Variants in VPS13C observed in about 807,000 individuals in gnomAD.
VPS13C encodes the protein intermembrane lipid transfer protein VPS13C.
VPS13C carries 358 observed loss-of-function variants against 456.8 expected under a neutral mutation model. The observed-to-expected ratio is 0.78, with a 90% CI of 0.72 to 0.86. The LOEUF is 0.86. Ranked by LOEUF, VPS13C falls within the 40% of genes least tolerant of loss-of-function variation. The pLI, the probability that VPS13C is intolerant of heterozygous loss-of-function variation, is 0.00. For synonymous variants in VPS13C, 1,578 were observed against 1,486.7 expected, an observed-to-expected ratio of 1.06 and a Z score of -1.41; for missense variants, 4,818 against 4,385.4, an observed-to-expected ratio of 1.10 and a Z score of -2.79.
Position 62,060,274 on chromosome 15 carries a change from C to A in VPS13C, c.100+1G>T. 1 of 1,601,646 alleles carries A rather than the reference C, an allele frequency of 6.2e-7. No individual in the cohort carries two copies. Among genetic ancestry groups the A allele is most frequent in the Non-Finnish European group, 8.5e-7 (1 of 1,174,080 alleles). ...CCCACTGGCCGCGCCCTCTCGCTTACCGCCCCAGATGCCCAGCTTCAGCTG... is the reference window on the plus strand; with the variant it reads ...CCCACTGGCCGCGCCCTCTCGCTTAACGCCCCAGATGCCCAGCTTCAGCTG... On this transcript the variant is annotated splice_donor_variant, in intron 1 of 84. Coordinates refer to ENST00000644861, the MANE Select transcript of VPS13C (RefSeq NM_020821.3). LOFTEE classifies it high-confidence loss of function.
At chr15:61,868,871 T>C (rs1406979736) in intron 80 of VPS13C, 98 bp from the exon 81 acceptor site, 1 of 1,006,700 alleles carries the variant, frequency 9.9e-7, no homozygotes, top group African/African-American at 1.7e-5. Context: ...CAAAAAACAA[T>C]CAGTAATTTT....
chr15:61,966,871 A>G (rs1489979519), intron 29 of VPS13C, among the ~76,000 whole-genome samples: 3 of 152,002 alleles, frequency 2.0e-5, no homozygotes, highest in African/African-American at 7.2e-5. Flanking sequence ...ATCCAAAAAC[A>G]CATCCAGAAG....
At chr15:61,981,077 G>A (rs144560316) in intron 22 of VPS13C, among the ~76,000 whole-genome samples, 16 of 152,218 alleles carry the variant, frequency 1.1e-4, no homozygotes, top group East Asian at 1.9e-4. Flanking sequence ...TGAAAACTAC[G>A]AATGCTTCTT....
chr15:61,878,329 T>A (rs891475475), intron 74 of VPS13C, among the ~76,000 whole-genome samples: 1 of 151,896 alleles, frequency 6.6e-6, no homozygotes. Flanking sequence ...TATGGTTAAT[T>A]TATAATATAT....
intron 16 of VPS13C, among the ~76,000 whole-genome samples, chr15:61,997,732 A>T (rs2046438735): frequency 6.6e-6 from 1 of 152,160 alleles, no homozygotes; most frequent in South Asian, 2.1e-4. Flanking sequence ...TATATCTAGA[A>T]TCTGACCCTT....
intron 81 of VPS13C, chr15:61,865,605 T>C: frequency 1.8e-6 from 1 of 540,850 alleles, no homozygotes. Context: ...TATATATGTA[T>C]GTGTATATAT....
chr15:61,867,277 T>C lies in VPS13C; in HGVS notation c.10863+1382A>G. 1.0e-6 allele frequency: 1 copy of C among 984,504 alleles called. No homozygotes were observed. The highest frequency in any genetic ancestry group is 4.7e-5 in the South Asian group (1 of 21,276). 61.0% of individuals were successfully genotyped at this position (984,504 alleles called of 1,614,324 possible). A position where few individuals can be genotyped will look rare whatever the true frequency, so the allele number is the denominator to read the frequency against. ...AGAAATGCTAAAGGCTGAAAATGTA[T>C]ATAACATAATTATAAAATGGCTATC... On this transcript the variant is annotated intron_variant, in intron 81 of 84. Transcript: ENST00000644861. The surrounding 1 kb of genome is among the most constrained non-coding windows in gnomAD (Gnocchi z 5.0).
chr15:61,954,307 C>T (rs1596377523), intron 38 of VPS13C, 114 bp downstream of exon 38: 1 of 1,146,540 alleles, frequency 8.7e-7, no homozygotes, highest in East Asian at 2.6e-5. Context: ...TACATGTGAA[C>T]AGCCCACATA....
At chr15:62,044,332 A>G (rs1168246445) in intron 1 of VPS13C, 77 bp from the exon 2 acceptor site, 3 of 868,528 alleles carry the variant, frequency 3.5e-6, no homozygotes, top group Non-Finnish European at 5.2e-6. Context: ...AGTACCAAGC[A>G]CTAAGAAACT....
chr15:61,988,209 G>A (rs1205045960), intron 18 of VPS13C, among the ~76,000 whole-genome samples: 1 of 152,182 alleles, frequency 6.6e-6, no homozygotes, highest in Non-Finnish European at 1.5e-5. Flanking sequence ...GAAGAAAAAT[G>A]ACTGGAAAGG....
chr15:61,968,813 A>G (rs2045459808), intron 28 of VPS13C, among the ~76,000 whole-genome samples: 1 of 152,162 alleles, frequency 6.6e-6, no homozygotes, highest in Non-Finnish European at 1.5e-5. Flanking sequence ...TAGAAAGAAC[A>G]AGGCCTTCAA....
intron 8 of VPS13C, among the ~76,000 whole-genome samples, chr15:62,021,623 C>T (rs1428557688): frequency 6.6e-6 from 1 of 151,796 alleles, no homozygotes; most frequent in Non-Finnish European, 1.5e-5. Flanking sequence ...TCTAAATCAT[C>T]CAACTGGGAC....
At chr15:61,884,341 A>G in intron 67 of VPS13C, 72 bp from the exon 68 acceptor site, 1 of 1,460,614 alleles carries the variant, frequency 6.8e-7, no homozygotes, top group South Asian at 1.3e-5. Context: ...TCAACTCCAG[A>G]TTATTGTAAC....
intron 53 of VPS13C, among the ~76,000 whole-genome samples, 166 bp downstream of exon 53, chr15:61,925,290 T>C (rs2043810780): frequency 6.6e-6 from 1 of 152,108 alleles, no homozygotes. Flanking sequence ...AACATTTGCA[T>C]TAAAGAAAAA....
At position 61,964,049 on chromosome 15, in the gene VPS13C, A is replaced by T. The variant is rs1200560991; in HGVS notation, c.3215-98T>A. ...ATATTAAGTGAACCACTGTTATGTT[A>T]AAAAAAATTATAACATTCTCCAACT... is the stretch of plus-strand genomic sequence containing the variant. On this transcript the variant is annotated intron_variant, in intron 31 of 84. Coordinates refer to ENST00000644861, the MANE Select transcript of VPS13C (RefSeq NM_020821.3). 18 of 609,878 alleles carry T rather than the reference A, an allele frequency of 3.0e-5. No individual in the cohort carries two copies. In the South Asian group the frequency reaches 4.2e-4, roughly 14 times the overall value. 37.8% of individuals were successfully genotyped at this position (609,878 alleles called of 1,614,324 possible).
intron 18 of VPS13C, among the ~76,000 whole-genome samples, chr15:61,988,940 G>T (rs1029752105): frequency 3.3e-5 from 5 of 151,948 alleles, no homozygotes; most frequent in Admixed American, 6.6e-5. Context: ...CATAAAGTAA[G>T]ACAATATAAA....
intron 67 of VPS13C, among the ~76,000 whole-genome samples, chr15:61,884,765 A>G (rs1896146247): frequency 6.6e-6 from 1 of 152,140 alleles, no homozygotes; most frequent in African/African-American, 2.4e-5. Context: ...ATGTTCATCT[A>G]TTAATGGTAA....
In VPS13C at chr15:62,000,585, T is replaced by C. The variant is rs1332265158; in HGVS notation, c.1332A>G (p.Ala444=). The C allele has an allele frequency of 2.5e-6, 4 of 1,608,644 alleles. No homozygotes were observed. The South Asian group carries it at 4.5e-5, about 18-fold the overall frequency. The change falls in exon 16 of 85, where the codon GCA becomes GCG. Residue 444 remains alanine (A), a synonymous_variant. Transcript: ENST00000644861. ...TTACCTCAACTTGTGCTTGTTGCCTTGCTAAAATTATGTTAAAAACATCTA... is the reference window on the plus strand; with the variant it reads ...TTACCTCAACTTGTGCTTGTTGCCTCGCTAAAATTATGTTAAAAACATCTA... ...KTLDVFNIIL[A]RQQAQVEVIR...
At chr15:62,050,738 G>A (rs2048589400) in intron 1 of VPS13C, among the ~76,000 whole-genome samples, 1 of 150,314 alleles carries the variant, frequency 6.7e-6, no homozygotes, top group Admixed American at 6.7e-5. Context: ...AAGGGCAGAG[G>A]TTGCAGTGAG....
Sources: gnomAD v4.1 joint callset for allele counts (sites outside exome capture counted in the v4.1 genomes callset) on GRCh38, gnomAD v4.1.1 for gene constraint, Gnocchi (gnomAD v3.1) non-coding constraint, MANE v1.5 for transcripts, NCBI Gene and HGNC (gene_info 2026-07-23, HGNC 2026-07-21) for gene names.